The following RHOA variants were observed in gnomAD, a reference collection of about 807,000 sequenced individuals.
RHOA encodes the protein transforming protein RhoA.
A neutral mutation model predicts 17.5 loss-of-function variants in RHOA; 3 were observed. That is an observed-to-expected ratio of 0.17 (90% CI 0.08 to 0.44). The LOEUF (loss-of-function observed/expected upper bound fraction) is 0.44, where lower values mean the gene tolerates loss of function less well. Ranked by LOEUF, RHOA falls within the 20% of genes least tolerant of loss-of-function variation. The pLI, the probability that RHOA is intolerant of heterozygous loss-of-function variation, is 0.99. For missense variants in RHOA, 56 were observed against 242.3 expected, an observed-to-expected ratio of 0.23 and a Z score of 5.10; for synonymous variants, 98 against 88.4, an observed-to-expected ratio of 1.11 and a Z score of -0.61.
At chr3:49,386,160 T>C (rs1200480751) in intron 1 of RHOA, among the ~76,000 whole-genome samples, 2 of 152,180 alleles carry the variant, frequency 1.3e-5, no homozygotes, top group Non-Finnish European at 2.9e-5. Flanking sequence ...CAGATCGATT[T>C]GGGGAGTACT....
chr3:49,367,897 T>C (rs1274893028), intron 3 of RHOA, among the ~76,000 whole-genome samples: 1 of 151,794 alleles, frequency 6.6e-6, no homozygotes, highest in African/African-American at 2.4e-5. Context: ...TTTAATATTA[T>C]TTAGTAATAA....
intron 1 of RHOA, among the ~76,000 whole-genome samples, chr3:49,396,172 G>A (rs1460770308): frequency 6.6e-6 from 1 of 152,216 alleles, no homozygotes; most frequent in Non-Finnish European, 1.5e-5. Context: ...ATGAGGAGGT[G>A]TCCAGCAACA....
At chr3:49,361,799 T>TA (rs1365382686) in intron 4 of RHOA, among the ~76,000 whole-genome samples, 1 of 152,108 alleles carries the variant, frequency 6.6e-6, no homozygotes, top group Non-Finnish European at 1.5e-5. Context: ...GAGAATCACT[T>TA]AAACCTTGGA....
intron 1 of RHOA, among the ~76,000 whole-genome samples, chr3:49,410,061 C>T (rs762388585): frequency 5.3e-5 from 8 of 152,180 alleles, no homozygotes; most frequent in Non-Finnish European, 1.2e-4. Flanking sequence ...GGGGAGAGTG[C>T]TGTGTAAGCT....
chr3:49,382,912 G>A (rs774356177), intron 1 of RHOA, among the ~76,000 whole-genome samples: 1 of 151,898 alleles, frequency 6.6e-6, no homozygotes, highest in South Asian at 2.1e-4. Context: ...AAAATTAGGT[G>A]GGCGTGGTGG....
chr3:49,405,257 CAAA>C (rs56912055), intron 1 of RHOA, among the ~76,000 whole-genome samples: 1 of 110,014 alleles, frequency 9.1e-6, no homozygotes, highest in South Asian at 3.4e-4. Flanking sequence ...GACTGTGTCT[CAAA>C]AAAAAAAAAA....
intron 2 of RHOA, among the ~76,000 whole-genome samples, chr3:49,369,577 C>T (rs1278022594): frequency 3.3e-5 from 5 of 149,476 alleles, no homozygotes; most frequent in African/African-American, 9.9e-5. Flanking sequence ...TACTAAAATA[C>T]GAAAGAAATT....
intron 2 of RHOA, among the ~76,000 whole-genome samples, chr3:49,371,869 G>A (rs2048151930): frequency 1.3e-5 from 2 of 152,118 alleles, no homozygotes; most frequent in Admixed American, 6.6e-5. Flanking sequence ...AGATGCCCAG[G>A]CAGAAATAAT....
intron 1 of RHOA, among the ~76,000 whole-genome samples, chr3:49,387,288 C>T (rs1559508364): frequency 7.5e-6 from 1 of 133,696 alleles, no homozygotes. Flanking sequence ...ACTAAAAATA[C>T]AAAAAATTAG....
Position 49,360,039 on chromosome 3 carries a change from G to A in RHOA, c.*170C>T, listed in dbSNP as rs902604879. On this transcript the variant is annotated 3_prime_UTR_variant, in exon 5 of 5. Coordinates refer to ENST00000418115, the MANE Select transcript of RHOA (RefSeq NM_001664.4). The stretch of plus-strand genomic sequence containing the variant: ...AGGACCCTGGTGGGCCAGACGGGTT[G>A]GACATCGTTAATAATCATAGTTGGC... 22 of 746,854 alleles carry A rather than the reference G, an allele frequency of 2.9e-5. No homozygotes were observed. Among genetic ancestry groups the A allele is most frequent in the African/African-American group, 7.2e-5 (4 of 55,754 alleles). The allele number at this position is 746,854 out of a possible 1,614,324, so 46.3% of individuals were successfully genotyped here.
intron 4 of RHOA, among the ~76,000 whole-genome samples, chr3:49,361,282 G>GC (rs1194969975): frequency 3.9e-5 from 6 of 152,224 alleles, no homozygotes; most frequent in Non-Finnish European, 2.9e-5. Context: ...AGGACTAAAT[G>GC]CCCTGAAGGA....
intron 1 of RHOA, among the ~76,000 whole-genome samples, chr3:49,388,008 T>TC (rs527894563): frequency 2.7e-4 from 38 of 139,652 alleles, no homozygotes; most frequent in African/African-American, 1.0e-3. Flanking sequence ...TGGCTTTCTC[T>TC]TTTTTTTTTT....
At chr3:49,400,548 C>G (rs2048705778) in intron 1 of RHOA, among the ~76,000 whole-genome samples, 1 of 152,022 alleles carries the variant, frequency 6.6e-6, no homozygotes, top group African/African-American at 2.4e-5. Flanking sequence ...TCACTGAATA[C>G]TTTGTTCTGG....
chr3:49,368,576 T>A (rs2048095873), intron 2 of RHOA, 28 bp from the exon 3 acceptor site: 1 of 1,613,148 alleles, frequency 6.2e-7, no homozygotes, highest in African/African-American at 1.3e-5. Flanking sequence ...ACCACAAGAG[T>A]GCAAGGTTAA....
chr3:49,390,323 C>T (rs933937399), intron 1 of RHOA, among the ~76,000 whole-genome samples: 8 of 151,960 alleles, frequency 5.3e-5, no homozygotes, highest in South Asian at 2.1e-4. Flanking sequence ...TTAGTAGAGA[C>T]GGGGAACATC....
chr3:49,391,486 A>G (rs1333233522), intron 1 of RHOA, among the ~76,000 whole-genome samples: 5 of 152,126 alleles, frequency 3.3e-5, no homozygotes, highest in Admixed American at 1.3e-4. Flanking sequence ...ATTGCATTCA[A>G]TCCTACAACT....
At chr3:49,381,850 A>G (rs780639192) in intron 1 of RHOA, among the ~76,000 whole-genome samples, 9 of 146,450 alleles carry the variant, frequency 6.1e-5, no homozygotes, top group Non-Finnish European at 1.1e-4. Flanking sequence ...AGGCAACAAG[A>G]GCGAAAATTC....
At chr3:49,367,342 C>CAAAAAAAAAAAAAAAAAAAAAAA (rs62926260) in intron 3 of RHOA, among the ~76,000 whole-genome samples, 12 of 80,496 alleles carry the variant, frequency 1.5e-4, no homozygotes, top group African/African-American at 4.0e-4. Flanking sequence ...GACTCCCTCT[C>CAAAAAAAAAAAAAAAAAAAAAAA]AAAAAAAAAA....
chr3:49,390,535 A>G (rs1156844203), intron 1 of RHOA, among the ~76,000 whole-genome samples: 7 of 152,128 alleles, frequency 4.6e-5, no homozygotes, highest in Admixed American at 4.6e-4. Context: ...AAGTGCTGGT[A>G]TTACAGGTAT....
Sources: gnomAD v4.1 joint callset for allele counts (sites outside exome capture counted in the v4.1 genomes callset) on GRCh38, gnomAD v4.1.1 for gene constraint, MANE v1.5 for transcripts, NCBI Gene and HGNC (gene_info 2026-07-23, HGNC 2026-07-21) for gene names.